The following ESCO2 variants were observed in gnomAD, a reference collection of about 807,000 sequenced individuals.
The protein encoded by ESCO2 is establishment of sister chromatid cohesion N-acetyltransferase 2.
ESCO2 carries 51 observed loss-of-function variants against 61.7 expected under a neutral mutation model. The ratio of observed to expected loss-of-function variants is 0.83; its 90% CI spans 0.66 to 1.04. ESCO2 has a LOEUF of 1.04. Ranked by LOEUF, ESCO2 falls within the 50% of genes least tolerant of loss-of-function variation. The probability of loss-of-function intolerance (pLI) is 0.00; values close to 1 mark genes in which losing one functional copy is unlikely to be tolerated. For missense variants in ESCO2, 692 were observed against 686.2 expected (o/e 1.01, Z -0.09); for synonymous variants, 230 against 238.2 (o/e 0.97, Z 0.32).
chr8:27,783,883 C>T (rs934961143), intron 4 of ESCO2, 117 bp from the exon 5 acceptor site: 12 of 971,948 alleles, frequency 1.2e-5, no homozygotes, highest in Non-Finnish European at 2.0e-5. Context: ...TTACCTTTGC[C>T]TCTTTGTTAA....
downstream of ESCO2, among the ~76,000 whole-genome samples, chr8:27,816,314 CA>C (rs1805809011): frequency 6.8e-6 from 1 of 148,028 alleles, no homozygotes; most frequent in South Asian, 2.1e-4. Flanking sequence ...TTGAGATAAA[CA>C]CTTAAGATTT....
chr8:27,772,629 GCCC>G, upstream of ESCO2: 1 of 1,363,124 alleles, frequency 7.3e-7, no homozygotes, highest in Non-Finnish European at 1.0e-6. Context: ...CGGCCGCCTG[GCCC>G]CCGGAACTCC....
downstream of ESCO2, chr8:27,812,132 G>C (rs142620579): frequency 2.6e-3 from 397 of 152,146 alleles, 7 homozygotes; most frequent in African/African-American, 9.1e-3. Flanking sequence ...GCAAGAGCAG[G>C]CATCCTGGTC....
Position 27,776,810 on chromosome 8 carries a change from A to G in ESCO2, c.502A>G (p.Asn168Asp). The change falls in exon 3 of 11, where the codon AAT becomes GAT. Residue 168 changes from asparagine (N) to aspartate (D), a missense_variant. Transcript: ENST00000305188. Reference sequence around the variant, plus strand: ...AAGGAATTCTAGAAATTCCAAGCAAAATCGAGTGATCTATAAGCCAATTGT... The same window carrying G: ...AAGGAATTCTAGAAATTCCAAGCAAGATCGAGTGATCTATAAGCCAATTGT... ...VSRNSRNSKQNRVIYKPIVEK... is the reference protein window; with the variant it reads ...VSRNSRNSKQDRVIYKPIVEK... The G allele has an allele frequency of 6.2e-7, 1 of 1,614,148 alleles. No homozygotes were observed. The highest frequency in any genetic ancestry group is 1.7e-5 in the Admixed American group (1 of 60,024).
chr8:27,808,377 T>C (rs1286491210), downstream of ESCO2: 2 of 300,524 alleles, frequency 6.7e-6, no homozygotes, highest in South Asian at 8.0e-5. Context: ...TTTGATTTAC[T>C]AATTAATTCA....
In ESCO2 at chr8:27,804,212, A is replaced by T; in HGVS notation, c.*774A>T. The T allele has an allele frequency of 1.0e-6, 1 of 985,220 alleles. No homozygotes were observed. The highest frequency in any genetic ancestry group is 1.2e-6 in the Non-Finnish European group (1 of 829,746). The allele number at this position is 985,220 out of a possible 1,614,324, so 61.0% of individuals were successfully genotyped here. Reference sequence around the variant, plus strand: ...TTAGTGTTCAATCTTTTTGAAAATAAATGTTTACCTGTCATCAGATTTAAT... The same window carrying T: ...TTAGTGTTCAATCTTTTTGAAAATATATGTTTACCTGTCATCAGATTTAAT... On this transcript the variant is annotated 3_prime_UTR_variant, in exon 11 of 11. Transcript: ENST00000305188.
chr8:27,815,846 C>T (rs1472876209), downstream of ESCO2, among the ~76,000 whole-genome samples: 1 of 152,180 alleles, frequency 6.6e-6, no homozygotes, highest in Non-Finnish European at 1.5e-5. Context: ...CCCCCTGCCA[C>T]CTATGTTAGT....
downstream of ESCO2, among the ~76,000 whole-genome samples, chr8:27,806,770 C>T (rs993891661): frequency 6.6e-6 from 1 of 152,138 alleles, no homozygotes; most frequent in Non-Finnish European, 1.5e-5. Context: ...GTGCATGCCA[C>T]CACGCCCAGC....
At chr8:27,792,585 C>A in intron 8 of ESCO2, 83 bp from the exon 9 acceptor site, 1 of 1,361,348 alleles carries the variant, frequency 7.3e-7, no homozygotes, top group South Asian at 1.4e-5. Context: ...TAACAGTAAT[C>A]ATACATTCTG....
At chr8:27,774,166 CTTTATTTA>C (rs68114079), upstream of ESCO2, among the ~76,000 whole-genome samples, 11 of 151,076 alleles carry the variant, frequency 7.3e-5, no homozygotes, top group South Asian at 4.2e-4. Context: ...TTGGAGAGGC[CTTTATTTA>C]TTTATTTATT....
chr8:27,802,817 GCT>G, intron 10 of ESCO2, among the ~76,000 whole-genome samples: 1 of 150,278 alleles, frequency 6.7e-6, no homozygotes, highest in East Asian at 2.0e-4. Context: ...CGAGATATCG[GCT>G]CACTGCAACC....
upstream of ESCO2, among the ~76,000 whole-genome samples, chr8:27,773,034 TA>T (rs1160687101): frequency 6.6e-6 from 1 of 152,174 alleles, no homozygotes; most frequent in Admixed American, 6.5e-5. Context: ...GTCCTCCTGC[TA>T]TAAAGTAGGA....
intron 4 of ESCO2, among the ~76,000 whole-genome samples, chr8:27,782,114 C>CT (rs1804939555): frequency 6.6e-6 from 1 of 152,058 alleles, no homozygotes; most frequent in Admixed American, 6.6e-5. Flanking sequence ...TTATTCTATC[C>CT]TTTTTTCATC....
At chr8:27,777,893 C>A (rs1804834785) in intron 3 of ESCO2, 1 of 152,174 alleles carries the variant, frequency 6.6e-6, no homozygotes, top group African/African-American at 2.4e-5. Context: ...TCATGTCTTT[C>A]CTAACCCACC....
At chr8:27,778,740 C>G (rs1008831383) in intron 3 of ESCO2, 11 of 151,982 alleles carry the variant, frequency 7.2e-5, no homozygotes, top group African/African-American at 2.7e-4. Flanking sequence ...TCTTTTCTGT[C>G]TTATTTTCTT....
chr8:27,815,404 T>G (rs1404072133), downstream of ESCO2, among the ~76,000 whole-genome samples: 1 of 152,216 alleles, frequency 6.6e-6, no homozygotes, highest in Admixed American at 6.5e-5. Flanking sequence ...TGGTAGCCTT[T>G]GTACTTAGTT....
downstream of ESCO2, chr8:27,810,266 C>G (rs764168548): frequency 6.7e-6 from 9 of 1,353,338 alleles, no homozygotes; most frequent in Non-Finnish European, 9.5e-6. Context: ...TTGGAATAAA[C>G]AGTTATTTAC....
Position 27,787,962 on chromosome 8 carries a change from C to T in ESCO2, c.1091C>T (p.Thr364Ile). 1 of 1,613,492 alleles carries T rather than the reference C, an allele frequency of 6.2e-7. No individual in the cohort carries two copies. The highest frequency in any genetic ancestry group is 8.5e-7 in the Non-Finnish European group (1 of 1,179,696). Residue 364 changes from threonine to isoleucine, a missense_variant, in exon 6 of 11, where the codon ACC (threonine) becomes ATC (isoleucine). Coordinates refer to ENST00000305188, the MANE Select transcript of ESCO2 (RefSeq NM_001017420.3). ...KQTNIQKNTN[T>I]RDTSKKTKDQ... ...ACCAATATCCAGAAAAATACTAATA[C>T]CAGAGATACAAGTAAAAAAACAAAA...
intron 7 of ESCO2, among the ~76,000 whole-genome samples, chr8:27,789,412 C>G (rs984095020): frequency 6.6e-6 from 1 of 152,124 alleles, no homozygotes; most frequent in Non-Finnish European, 1.5e-5. Flanking sequence ...AATGCCTTCA[C>G]AATATTTTTA....
Sources: gnomAD v4.1 joint callset for allele counts (sites outside exome capture counted in the v4.1 genomes callset) on GRCh38, gnomAD v4.1.1 for gene constraint, MANE v1.5 for transcripts, NCBI Gene and HGNC (gene_info 2026-07-23, HGNC 2026-07-21) for gene names.